PSD3: variants seen among roughly 807,000 people sequenced by gnomAD.
The protein encoded by PSD3 is PH and SEC7 domain-containing protein 3.
Under a neutral mutation model 105.5 loss-of-function variants are expected in PSD3, and 49 were observed. The observed-to-expected ratio is 0.46, with a 90% CI of 0.37 to 0.59. The LOEUF (loss-of-function observed/expected upper bound fraction) is 0.59. PSD3 is among the 20% of genes least tolerant of loss of function. The pLI is 0.00. For missense variants in PSD3, 1,561 were observed against 1,263.8 expected (o/e 1.24, Z -3.57); for synonymous variants, 557 against 457.8 (o/e 1.22, Z -2.77).
At chr8:18,796,167 TC>T (rs35675493) in intron 8 of PSD3, among the ~76,000 whole-genome samples, 1 of 151,808 alleles carries the variant, frequency 6.6e-6, no homozygotes, top group African/African-American at 2.4e-5. Flanking sequence ...TACTGAATTC[TC>T]CCCCCAAATA....
intron 11 of PSD3, among the ~76,000 whole-genome samples, chr8:18,629,943 A>G (rs1806772707): frequency 6.6e-6 from 1 of 151,874 alleles, no homozygotes; most frequent in Non-Finnish European, 1.5e-5. Context: ...GGAAATTGAA[A>G]TGGGGATATC....
chr8:18,638,154 C>CAAAAA (rs34328764), intron 10 of PSD3, among the ~76,000 whole-genome samples: 1 of 72,260 alleles, frequency 1.4e-5, no homozygotes, highest in East Asian at 4.3e-4. Context: ...GATTCCATCT[C>CAAAAA]AAAAAAAAAA....
intron 8 of PSD3, among the ~76,000 whole-genome samples, chr8:18,783,045 T>A (rs1020816817): frequency 2.6e-5 from 4 of 152,224 alleles, no homozygotes; most frequent in African/African-American, 9.6e-5. Flanking sequence ...TTACTCTTTT[T>A]TTCTGAAGGG....
intron 1 of PSD3, among the ~76,000 whole-genome samples, chr8:19,075,737 A>G (rs1184441233): frequency 1.3e-5 from 2 of 152,198 alleles, no homozygotes; most frequent in Non-Finnish European, 1.5e-5. Flanking sequence ...AAACCTTTGT[A>G]AATATACTGC....
intron 2 of PSD3, among the ~76,000 whole-genome samples, chr8:18,917,414 A>T (rs541375435): frequency 1.5e-4 from 23 of 152,302 alleles, no homozygotes; most frequent in African/African-American, 5.3e-4. Flanking sequence ...AGGGGCAATG[A>T]GCTCTAACTA....
At chr8:18,920,820 C>T (rs1023705498) in intron 2 of PSD3, among the ~76,000 whole-genome samples, 5 of 152,082 alleles carry the variant, frequency 3.3e-5, no homozygotes, top group African/African-American at 1.2e-4. Context: ...GCCCTCCATC[C>T]CCAATCACTG....
chr8:18,810,139 C>A (rs1369172287), intron 4 of PSD3, among the ~76,000 whole-genome samples: 1 of 152,204 alleles, frequency 6.6e-6, no homozygotes, highest in African/African-American at 2.4e-5. Context: ...TCATCACCCC[C>A]AGCCCTACCA....
intron 8 of PSD3, among the ~76,000 whole-genome samples, chr8:18,773,674 A>C (rs1367425180): frequency 6.6e-6 from 1 of 152,164 alleles, no homozygotes; most frequent in East Asian, 1.9e-4. Flanking sequence ...TTTGAAATGG[A>C]GAAATCAGGA....
chr8:18,919,202 T>C (rs993362641), intron 2 of PSD3, among the ~76,000 whole-genome samples: 1 of 152,188 alleles, frequency 6.6e-6, no homozygotes, highest in Non-Finnish European at 1.5e-5. Flanking sequence ...CTTCTAGCAG[T>C]GTTTGTTCTA....
intron 1 of PSD3, among the ~76,000 whole-genome samples, chr8:19,060,634 AAAC>A (rs1486399618): frequency 6.6e-6 from 1 of 152,182 alleles, no homozygotes; most frequent in Non-Finnish European, 1.5e-5. Context: ...ACCCCATCTC[AAAC>A]AACAACAACA....
intron 8 of PSD3, among the ~76,000 whole-genome samples, chr8:18,780,671 A>C (rs903644413): frequency 2.6e-5 from 4 of 151,986 alleles, no homozygotes; most frequent in African/African-American, 9.7e-5. Flanking sequence ...CTCCTACCTC[A>C]GCCTCCTGAG....
Position 18,825,291 on chromosome 8 carries a change from T to C in PSD3, c.1635-20393A>G, listed in dbSNP as rs1813084797. Reference sequence around the variant, plus strand: ...ACCAGTAGGTTTTTAGAGTTGTCAGTTGTGAAGACCACCAGACTCTCCAAA... The same window carrying C: ...ACCAGTAGGTTTTTAGAGTTGTCAGCTGTGAAGACCACCAGACTCTCCAAA... On this transcript the variant is annotated intron_variant, in intron 4 of 15. Transcript: ENST00000327040. Among the ~76,000 whole-genome samples, 4 of 152,184 alleles carry C rather than the reference T, an allele frequency of 2.6e-5. No homozygotes were observed. The South Asian group carries it at 8.3e-4, about 32-fold the overall frequency.
In PSD3 at chr8:18,899,006, G is replaced by A. The variant is rs933329920; in HGVS notation, c.131-26273C>T. On this transcript the variant is annotated intron_variant, in intron 2 of 15. Coordinates refer to ENST00000327040, the MANE Select transcript of PSD3 (RefSeq NM_015310.4). ...AGTACCAATCCTTCTTCCACTGTTT[G>A]CTTTAGTTTCAGTGCCCATATGATA... Among the ~76,000 whole-genome samples the A allele has an allele frequency of 1.8e-4, 27 of 152,076 alleles. 1 individual carries two copies. The highest frequency in any genetic ancestry group is 3.2e-3 in the Middle Eastern group (1 of 316).
At chr8:19,010,363 CCTTT>C (rs1826896312) in intron 1 of PSD3, among the ~76,000 whole-genome samples, 1 of 152,198 alleles carries the variant, frequency 6.6e-6, no homozygotes, top group South Asian at 2.1e-4. Flanking sequence ...CAGTGAAAAA[CCTTT>C]CTTTTGGTAG....
chr8:18,690,099 G>C (rs1800889843), intron 9 of PSD3, among the ~76,000 whole-genome samples: 1 of 152,142 alleles, frequency 6.6e-6, no homozygotes, highest in Non-Finnish European at 1.5e-5. Flanking sequence ...TCTTGAAATG[G>C]AAAGTTCAAG....
intron 9 of PSD3, among the ~76,000 whole-genome samples, chr8:18,667,232 C>G (rs114093163): frequency 0.033 from 4,949 of 152,208 alleles, 274 homozygotes; most frequent in African/African-American, 0.11. Flanking sequence ...TTACAGAGAA[C>G]TGATTGGTCC....
At chr8:18,594,013 T>C (rs1349628641) in intron 12 of PSD3, among the ~76,000 whole-genome samples, 50 of 139,912 alleles carry the variant, frequency 3.6e-4, no homozygotes, top group Non-Finnish European at 5.6e-4. Context: ...TTAAGAGACA[T>C]ACCTAATGCA....
At chr8:18,608,197 G>T (rs1045458579) in intron 11 of PSD3, among the ~76,000 whole-genome samples, 1 of 152,110 alleles carries the variant, frequency 6.6e-6, no homozygotes, top group Admixed American at 6.5e-5. Flanking sequence ...TCTATCCTGG[G>T]TGACAAAGTG....
chr8:18,768,404 A>G (rs1260859867), intron 8 of PSD3, among the ~76,000 whole-genome samples: 1 of 152,146 alleles, frequency 6.6e-6, no homozygotes, highest in Non-Finnish European at 1.5e-5. Flanking sequence ...CTGGGAGATC[A>G]AGACTAGCCT....
Sources: allele counts gnomAD v4.1 joint callset (sites outside exome capture counted in the v4.1 genomes callset), GRCh38; gene constraint gnomAD v4.1.1; transcripts MANE v1.5; gene names NCBI Gene and HGNC (gene_info 2026-07-23, HGNC 2026-07-21).